The following KIF1B variants were observed in gnomAD, a reference collection of about 807,000 sequenced individuals.
The protein encoded by KIF1B is kinesin family member 1B.
Under a neutral mutation model 241.9 loss-of-function variants are expected in KIF1B, and 76 were observed. That is an observed-to-expected ratio of 0.31 (90% CI 0.26 to 0.38). KIF1B has a LOEUF of 0.38. Among genes scored for constraint, KIF1B ranks in the 10% least tolerant of loss-of-function variants. The pLI is 1.00. For missense variants in KIF1B, 1,622 were observed against 2,271.4 expected, an observed-to-expected ratio of 0.71 and a Z score of 5.81; for synonymous variants, 750 against 796.7, an observed-to-expected ratio of 0.94 and a Z score of 0.99.
In KIF1B at chr1:10,334,500, C is replaced by T. The variant is rs777092549; in HGVS notation, c.2925-20C>T. On this transcript the variant is annotated intron_variant, in intron 27 of 48. Transcript: ENST00000676179. ...TCTCCATGGATGTTCTGACATTTGT[C>T]TCCTGGTTTCTGTCTTTAGGGCATT... is the stretch of plus-strand genomic sequence containing the variant. 1.9e-6 allele frequency: 3 copies of T among 1,549,240 alleles called. No individual in the cohort carries two copies. Among genetic ancestry groups the T allele is most frequent in the Non-Finnish European group, 2.7e-6 (3 of 1,121,180 alleles).
chr1:10,221,455 T>G (rs1460921550), intron 1 of KIF1B, among the ~76,000 whole-genome samples: 1 of 152,132 alleles, frequency 6.6e-6, no homozygotes, highest in Non-Finnish European at 1.5e-5. Context: ...TGGTTAACTT[T>G]TATTCAGAGT....
intron 1 of KIF1B, among the ~76,000 whole-genome samples, chr1:10,229,778 G>A (rs1032074856): frequency 2.1e-5 from 3 of 146,228 alleles, no homozygotes; most frequent in Non-Finnish European, 4.5e-5. Context: ...GGAGAATGGC[G>A]TGAACCTGGG....
chr1:10,372,532 G>A (rs947812567), intron 45 of KIF1B, among the ~76,000 whole-genome samples: 1 of 151,110 alleles, frequency 6.6e-6, no homozygotes, highest in Non-Finnish European at 1.5e-5. Flanking sequence ...CAAGAAATCA[G>A]CCAGGCATAG....
chr1:10,327,190 A>G (rs1353796159), intron 27 of KIF1B, among the ~76,000 whole-genome samples: 1 of 151,342 alleles, frequency 6.6e-6, no homozygotes, highest in Non-Finnish European at 1.5e-5. Context: ...GACCCATGAA[A>G]CCCGTCTCTA....
At chr1:10,312,698 A>G (rs1350885950) in intron 22 of KIF1B, among the ~76,000 whole-genome samples, 4 of 151,540 alleles carry the variant, frequency 2.6e-5, no homozygotes, top group Non-Finnish European at 5.9e-5. Context: ...ACCCCTGCCA[A>G]AGACCTCTGC....
At chr1:10,347,726 C>T (rs554594579) in intron 35 of KIF1B, 35 bp from the exon 36 acceptor site, 2 of 1,565,030 alleles carry the variant, frequency 1.3e-6, no homozygotes, top group South Asian at 2.2e-5. Context: ...GATGAAGTAG[C>T]ACTTAGTTTT....
In KIF1B at chr1:10,262,106, G is replaced by T. The variant is rs1648182293; in HGVS notation, c.429+136G>T. ...ATTTTTGTCCTTTCAGGCTATTTCT[G>T]GGTTTTGGGTATAATGAATAGTGTC... On this transcript the variant is annotated intron_variant, in intron 5 of 48. Transcript: ENST00000676179. 4.1e-6 allele frequency: 3 copies of T among 728,626 alleles called. No homozygotes were observed. The South Asian group carries it at 4.4e-5, about 11-fold the overall frequency. The allele number at this position is 728,626 out of a possible 1,614,324, so 45.1% of individuals were successfully genotyped here. A position where few individuals can be genotyped will look rare whatever the true frequency, so the allele number is the denominator to read the frequency against.
intron 1 of KIF1B, among the ~76,000 whole-genome samples, chr1:10,211,320 C>T (rs1017830612): frequency 6.6e-6 from 1 of 152,220 alleles, no homozygotes; most frequent in African/African-American, 2.4e-5. Flanking sequence ...GTGGTTATGC[C>T]CTTTGCCAGA....
intron 15 of KIF1B, 134 bp downstream of exon 15, chr1:10,282,667 A>G (rs1194857108): frequency 1.3e-6 from 1 of 785,666 alleles, no homozygotes. Context: ...TGAAAATTGA[A>G]TTTTGTGCTT....
At chr1:10,341,501 G>A (rs550214784) in intron 32 of KIF1B, among the ~76,000 whole-genome samples, 1 of 152,348 alleles carries the variant, frequency 6.6e-6, no homozygotes, top group Admixed American at 6.5e-5. Context: ...AGCCAGAATA[G>A]TAAGTGTGGG....
chr1:10,347,571 A>C (rs1652631780), intron 35 of KIF1B, among the ~76,000 whole-genome samples, 190 bp from the exon 36 acceptor site: 1 of 152,222 alleles, frequency 6.6e-6, no homozygotes, highest in African/African-American at 2.4e-5. Flanking sequence ...TCCTTTGACT[A>C]CTCAAGTCTA....
chr1:10,263,761 C>T (rs1648289505), intron 5 of KIF1B, among the ~76,000 whole-genome samples: 2 of 152,114 alleles, frequency 1.3e-5, no homozygotes, highest in African/African-American at 4.8e-5. Flanking sequence ...AGAAGATGCC[C>T]TTTTCTTTTG....
intron 5 of KIF1B, among the ~76,000 whole-genome samples, 170 bp from the exon 6 acceptor site, chr1:10,267,210 G>C (rs529309124): frequency 1.5e-4 from 23 of 152,184 alleles, no homozygotes; most frequent in African/African-American, 5.3e-4. Context: ...GTAGAGACGG[G>C]ATTTCACCAT....
At chr1:10,257,819 G>T (rs2102185201) in intron 3 of KIF1B, among the ~76,000 whole-genome samples, 1 of 152,182 alleles carries the variant, frequency 6.6e-6, no homozygotes, top group African/African-American at 2.4e-5. Context: ...GAGATTACAG[G>T]CAGGTGCCAC....
chr1:10,313,472 G>A (rs1651155811), intron 22 of KIF1B, among the ~76,000 whole-genome samples: 1 of 151,070 alleles, frequency 6.6e-6, no homozygotes, highest in Non-Finnish European at 1.5e-5. Flanking sequence ...TAGATAGGTA[G>A]GAGAGAACAT....
chr1:10,302,040 C>T (rs888998709), intron 22 of KIF1B, among the ~76,000 whole-genome samples: 1 of 152,138 alleles, frequency 6.6e-6, no homozygotes, highest in African/African-American at 2.4e-5. Flanking sequence ...TATGATCTTT[C>T]TGTTTTATGT....
At chr1:10,367,315 T>C (rs568844631) in intron 43 of KIF1B, among the ~76,000 whole-genome samples, 2,886 of 151,424 alleles carry the variant, frequency 0.019, 41 homozygotes, top group Non-Finnish European at 0.028. Flanking sequence ...AGGCTGGTCT[T>C]GAACTCCTGA....
At chr1:10,357,041 C>A (rs6541091) in intron 38 of KIF1B, among the ~76,000 whole-genome samples, 142,752 of 152,218 alleles carry the variant, frequency 0.94, 67,052 homozygotes, top group East Asian at 1. Flanking sequence ...CACCATGCCT[C>A]GCTAATTTAA....
chr1:10,285,573 C>T (rs370754110), intron 15 of KIF1B, among the ~76,000 whole-genome samples: 1 of 152,206 alleles, frequency 6.6e-6, no homozygotes, highest in East Asian at 1.9e-4. Context: ...ATAAAGAACT[C>T]TTCTGTTTTC....
Sources: allele counts gnomAD v4.1 joint callset (sites outside exome capture counted in the v4.1 genomes callset), GRCh38; gene constraint gnomAD v4.1.1; transcripts MANE v1.5; gene names NCBI Gene and HGNC (gene_info 2026-07-23, HGNC 2026-07-21).